The following DIP2C variants were observed in gnomAD, a reference collection of about 807,000 sequenced individuals.
The protein encoded by DIP2C is DIP2 acetate--CoA ligase C (putative), also known as disco-interacting protein 2 homolog C.
Under a neutral mutation model 192.4 loss-of-function variants are expected in DIP2C, and 33 were observed. The observed-to-expected ratio is 0.17, with a 90% CI of 0.13 to 0.23. The LOEUF (loss-of-function observed/expected upper bound fraction) is 0.23. Among genes scored for constraint, DIP2C ranks in the 10% least tolerant of loss-of-function variants. The probability of loss-of-function intolerance (pLI) is 1.00; values close to 1 mark genes in which losing one functional copy is unlikely to be tolerated. For missense variants in DIP2C, 1,537 were observed against 2,110.1 expected (o/e 0.73, Z 5.32); for synonymous variants, 979 against 864.1 (o/e 1.13, Z -2.33).
intron 1 of DIP2C, among the ~76,000 whole-genome samples, chr10:580,880 C>G (rs559486475): frequency 6.6e-6 from 1 of 152,336 alleles, no homozygotes; most frequent in East Asian, 1.9e-4. Context: ...CAGAGGTTTC[C>G]TAACATAGTA....
intron 1 of DIP2C, among the ~76,000 whole-genome samples, chr10:511,551 T>C (rs1006248199): frequency 6.6e-6 from 1 of 152,150 alleles, no homozygotes; most frequent in Non-Finnish European, 1.5e-5. Context: ...TAACACGTCT[T>C]CCAGGTTCAT....
In DIP2C at chr10:524,458, T is replaced by C. The variant is rs12770070; in HGVS notation, c.86-37928A>G. Among the ~76,000 whole-genome samples the C allele has an allele frequency of 2.7e-3, 405 of 152,306 alleles. 1 individual carries two copies. The highest frequency in any genetic ancestry group is 6.8e-3 in the Middle Eastern group (2 of 294). On this transcript the variant is annotated intron_variant, in intron 1 of 36. Coordinates refer to ENST00000280886, the MANE Select transcript of DIP2C (RefSeq NM_014974.3). ...ATAGAAGTGTATATACATGTAAATA[T>C]ATACATGCTTATTTTCCTCTACTTT...
chr10:492,183 G>C (rs1317513848), intron 1 of DIP2C, among the ~76,000 whole-genome samples: 1 of 152,212 alleles, frequency 6.6e-6, no homozygotes, highest in Admixed American at 6.5e-5. Flanking sequence ...CCTTGCCCCA[G>C]GCATACCCCA....
At chr10:317,736 T>A (rs1384714514) in intron 31 of DIP2C, among the ~76,000 whole-genome samples, 1 of 152,186 alleles carries the variant, frequency 6.6e-6, no homozygotes, top group East Asian at 1.9e-4. Flanking sequence ...GACTCCAACA[T>A]TCCTGGAGAC....
At chr10:667,627 C>G (rs925180758) in intron 1 of DIP2C, 1 of 152,256 alleles carries the variant, frequency 6.6e-6, no homozygotes, top group Admixed American at 6.6e-5. Context: ...ATTTATAACA[C>G]ACTCATACAA....
chr10:517,205 T>C (rs974052411), intron 1 of DIP2C, among the ~76,000 whole-genome samples: 1 of 152,114 alleles, frequency 6.6e-6, no homozygotes, highest in Non-Finnish European at 1.5e-5. Flanking sequence ...CCCTTCTCCA[T>C]TTCTCCACTG....
At chr10:417,995 C>A (rs1965867849) in intron 6 of DIP2C, among the ~76,000 whole-genome samples, 1 of 95,290 alleles carries the variant, frequency 1.0e-5, no homozygotes, top group Non-Finnish European at 2.1e-5. Flanking sequence ...TCCCTGTCCA[C>A]CTGCACCTGT....
intron 1 of DIP2C, among the ~76,000 whole-genome samples, chr10:629,638 G>A (rs1265306595): frequency 6.6e-6 from 1 of 151,984 alleles, no homozygotes; most frequent in Non-Finnish European, 1.5e-5. Context: ...GGTGGAGACC[G>A]CAGCTTCAAT....
intron 19 of DIP2C, 106 bp downstream of exon 19, chr10:366,169 T>C: frequency 2.0e-6 from 3 of 1,481,796 alleles, no homozygotes; most frequent in Non-Finnish European, 2.7e-6. Flanking sequence ...AAACACGTCT[T>C]GCTAAAATGG....
In DIP2C at chr10:662,905, C is replaced by T. The variant is rs1175395913; in HGVS notation, c.85+26589G>A. 1.3e-5 allele frequency: 9 copies of T among 717,564 alleles called. No homozygotes were observed. In the East Asian group the frequency reaches 2.4e-4, roughly 19 times the overall value. 44.4% of individuals were successfully genotyped at this position (717,564 alleles called of 1,614,324 possible). On this transcript the variant is annotated intron_variant, in intron 1 of 36. Transcript: ENST00000280886. ...TAGCCCCACGTGGAAGAGGCGTGAA[C>T]ACTCTCGGGAGAGGTGGATGTACGC... is the stretch of plus-strand genomic sequence containing the variant.
intron 1 of DIP2C, among the ~76,000 whole-genome samples, chr10:598,422 G>A (rs1254485613): frequency 6.6e-6 from 1 of 152,208 alleles, no homozygotes; most frequent in East Asian, 1.9e-4. Flanking sequence ...CAATCCATAT[G>A]GCCAGCCCAC....
At chr10:312,443 C>T (rs940885906) in intron 31 of DIP2C, among the ~76,000 whole-genome samples, 1 of 152,094 alleles carries the variant, frequency 6.6e-6, no homozygotes, top group Non-Finnish European at 1.5e-5. Context: ...TGTGTACGGC[C>T]CGGCACCCAC....
intron 1 of DIP2C, among the ~76,000 whole-genome samples, chr10:564,421 C>T (rs1016263641): frequency 5.3e-5 from 8 of 152,144 alleles, no homozygotes; most frequent in African/African-American, 1.9e-4. Flanking sequence ...CACTGCCTGA[C>T]GTCCAAAGCC....
At chr10:284,684 T>C (rs1403167750) in intron 34 of DIP2C, among the ~76,000 whole-genome samples, 1 of 152,078 alleles carries the variant, frequency 6.6e-6, no homozygotes, top group Non-Finnish European at 1.5e-5. Flanking sequence ...GTGACTACAG[T>C]TAATAATACT....
intron 1 of DIP2C, among the ~76,000 whole-genome samples, chr10:540,874 TAGTAA>T (rs1564831767): frequency 6.6e-6 from 1 of 152,174 alleles, no homozygotes. Flanking sequence ...GTTTTGATTA[TAGTAA>T]AGTAGCTGGA....
rs1966836824 is a variant in DIP2C at position 429,695 on chromosome 10, A to G, written c.395-6662T>C. ...AAAGAAGTCAATTTAAGTTTCCTCC[A>G]TGTCTTTCTATGGAGAGCTCATTTA... On this transcript the variant is annotated intron_variant, in intron 4 of 36. Coordinates refer to ENST00000280886, the MANE Select transcript of DIP2C (RefSeq NM_014974.3). Among the ~76,000 whole-genome samples, 5 of 151,646 alleles carry G rather than the reference A, an allele frequency of 3.3e-5. No individual in the cohort carries two copies. In the South Asian group the frequency reaches 1.0e-3, roughly 32 times the overall value.
chr10:280,898 T>A (rs1233523311), intron 36 of DIP2C, among the ~76,000 whole-genome samples: 1 of 152,146 alleles, frequency 6.6e-6, no homozygotes, highest in Non-Finnish European at 1.5e-5. Flanking sequence ...TTTGTTTTCT[T>A]CCTATATCAT....
intron 4 of DIP2C, among the ~76,000 whole-genome samples, chr10:431,303 A>G (rs541373536): frequency 4.8e-4 from 73 of 152,276 alleles, no homozygotes; most frequent in Non-Finnish European, 1.0e-3. Context: ...GACAATATTC[A>G]GTTTTCCTAT....
chr10:458,823 G>A (rs1047729593), intron 3 of DIP2C, among the ~76,000 whole-genome samples: 20 of 151,988 alleles, frequency 1.3e-4, no homozygotes, highest in South Asian at 6.2e-4. Flanking sequence ...CTGACTCACC[G>A]GCAGGGCACA....
Sources: allele counts gnomAD v4.1 joint callset (sites outside exome capture counted in the v4.1 genomes callset), GRCh38; gene constraint gnomAD v4.1.1; transcripts MANE v1.5; gene names NCBI Gene and HGNC (gene_info 2026-07-23, HGNC 2026-07-21).